KDF1: variants seen among roughly 807,000 people sequenced by gnomAD.
KDF1 encodes keratinocyte differentiation factor 1.
KDF1 carries 11 observed loss-of-function variants against 31.6 expected under a neutral mutation model. That is an observed-to-expected ratio of 0.35 (90% CI 0.22 to 0.58). The LOEUF is 0.58. Ranked by LOEUF, KDF1 falls within the 20% of genes least tolerant of loss-of-function variation. The probability of loss-of-function intolerance (pLI) is 0.83; values close to 1 mark genes in which losing one functional copy is unlikely to be tolerated. For synonymous variants in KDF1, 205 were observed against 214.4 expected (o/e 0.96, Z 0.38); for missense variants, 476 against 549.1 (o/e 0.87, Z 1.33).
chr1:26,949,960 G>A lies in KDF1; in HGVS notation c.*109C>T, dbSNP rs2082339182. The A allele has an allele frequency of 2.7e-6, 3 of 1,098,406 alleles. No homozygotes were observed. The highest frequency in any genetic ancestry group is 4.0e-6 in the Non-Finnish European group (3 of 747,652). 68.0% of individuals were successfully genotyped at this position (1,098,406 alleles called of 1,614,324 possible). ...CAGCCAAGGCAGGAGGAGCCAGAGT[G>A]GGCACTGCTTCAGGTCTAAGCCTCT... On this transcript the variant is annotated 3_prime_UTR_variant, in exon 4 of 4. Transcript: ENST00000320567.
At chr1:26,959,347 G>A (rs1314426039) in intron 1 of KDF1, among the ~76,000 whole-genome samples, 4 of 147,064 alleles carry the variant, frequency 2.7e-5, no homozygotes, top group African/African-American at 7.4e-5. Context: ...CCACCGCCCC[G>A]CCACCACCCC....
chr1:26,951,362 C>T lies in KDF1; in HGVS notation c.1019G>A (p.Gly340Asp), dbSNP rs759180556. 2 of 1,584,968 alleles carry T rather than the reference C, an allele frequency of 1.3e-6. No homozygotes were observed. The highest frequency in any genetic ancestry group is 1.7e-6 in the Non-Finnish European group (2 of 1,161,540). Residue 340 changes from glycine (G) to aspartate (D), a missense_variant, in exon 2 of 4, where the codon GGC becomes GAC. Transcript: ENST00000320567. This position sits in a 1 kb window ranked among gnomAD's most constrained non-coding sequence, Gnocchi z 5.4. ...APDSGHETMV[G>D]SGLSQDELTV... The stretch of plus-strand genomic sequence containing the variant: ...CCTACCATCCTGGCTGAGACCTGAG[C>T]CCACCATGGTCTCATGGCCACTGTC...
At position 26,951,778 on chromosome 1, in the gene KDF1, G is replaced by C. The variant is rs766306128; in HGVS notation, c.603C>G (p.Ser201Arg). ...PLADPPPMRH[S>R]LPSTFASSPR... is the part of the protein sequence containing the mutation. ...GACTACTGGCAAAGGTGCTGGGCAGGCTGTGTCGCATGGGTGGGGGATCGG... is the reference window on the plus strand; with the variant it reads ...GACTACTGGCAAAGGTGCTGGGCAGCCTGTGTCGCATGGGTGGGGGATCGG... The change falls in exon 2 of 4, where the codon AGC (serine) becomes AGG (arginine). Residue 201 changes from serine (S) to arginine (R), a missense_variant. By Grantham distance (110) the Ser-to-Arg change is moderately radical (BLOSUM62 -1). This residue lies in a region of KDF1 where 330 missense variants were observed against 332.3 expected (regional missense o/e 0.99). Coordinates refer to ENST00000320567, the MANE Select transcript of KDF1 (RefSeq NM_152365.3). This position sits in a 1 kb window ranked among gnomAD's most constrained non-coding sequence, Gnocchi z 5.4. 2.5e-6 allele frequency: 4 copies of C among 1,614,014 alleles called. No homozygotes were observed. Among genetic ancestry groups the C allele is most frequent in the African/African-American group, 2.7e-5 (2 of 74,936 alleles).
Position 26,951,971 on chromosome 1 carries a change from C to T in KDF1, c.410G>A (p.Ser137Asn). 1 of 1,609,138 alleles carries T rather than the reference C, an allele frequency of 6.2e-7. No individual in the cohort carries two copies. The highest frequency in any genetic ancestry group is 8.5e-7 in the Non-Finnish European group (1 of 1,176,674). ...CCGGCTGGGGGGTGCACGATCAGGGCTGGGGGGCACTCCATTGTGCTCCTT... is the reference window on the plus strand; with the variant it reads ...CCGGCTGGGGGGTGCACGATCAGGGTTGGGGGGCACTCCATTGTGCTCCTT... ...WAKEHNGVPPSPDRAPPSRRD... is the reference protein window; with the variant it reads ...WAKEHNGVPPNPDRAPPSRRD... The change falls in exon 2 of 4, where the codon AGC becomes AAC. Residue 137 changes from serine to asparagine, a missense_variant. By Grantham distance (46) the Ser-to-Asn change is conservative. Transcript: ENST00000320567. This position sits in a 1 kb window ranked among gnomAD's most constrained non-coding sequence, Gnocchi z 5.4.
chr1:26,950,070 T>C lies in KDF1; in HGVS notation c.1196A>G (p.Ter399=), dbSNP rs1381384771. The C allele has an allele frequency of 6.2e-6, 10 of 1,613,188 alleles. No homozygotes were observed. The highest frequency in any genetic ancestry group is 8.5e-6 in the Non-Finnish European group (10 of 1,179,386). The change falls in exon 4 of 4, where the codon TAA becomes TGA. Residue 399 remains the stop codon, a stop_retained_variant. Coordinates refer to ENST00000320567, the MANE Select transcript of KDF1 (RefSeq NM_152365.3). The surrounding 1 kb of genome is among the most constrained non-coding windows in gnomAD (Gnocchi z 4.0). ...SGAPLLQVYC[*] ...TGTGGCAGCTGGGCCTGGCAGGGGT[T>C]AGCAGTACACCTGGAGCAAGGGTGC...
chr1:26,960,253 G>A lies in KDF1; in HGVS notation c.-33+97C>T, dbSNP rs1397383153. 2.6e-5 allele frequency: 4 copies of A among 152,178 alleles called. No homozygotes were observed. The highest frequency in any genetic ancestry group is 5.9e-5 in the Non-Finnish European group (4 of 68,020). 9.4% of individuals were successfully genotyped at this position (152,178 alleles called of 1,614,324 possible). On this transcript the variant is annotated intron_variant, in intron 1 of 3. Transcript: ENST00000320567. The surrounding 1 kb of genome is among the most constrained non-coding windows in gnomAD (Gnocchi z 4.9). ...GTAGGAGGGTGGCCCCCGAGGAACC[G>A]GGCCCGGGACCCTCTCCTGTCCGGG...
Position 26,950,221 on chromosome 1 carries a change from G to T in KDF1, c.1115-70C>A. On this transcript the variant is annotated intron_variant, in intron 3 of 3. Coordinates refer to ENST00000320567, the MANE Select transcript of KDF1 (RefSeq NM_152365.3). The surrounding 1 kb of genome is among the most constrained non-coding windows in gnomAD (Gnocchi z 4.0). ...AGCTCATCCAGATCCCATGACCAGG[G>T]AGAAGCCTGCTGAGAAGGAGCAGAG... The T allele has an allele frequency of 7.0e-7, 1 of 1,419,240 alleles. No individual in the cohort carries two copies. The highest frequency in any genetic ancestry group is 1.0e-6 in the Non-Finnish European group (1 of 1,004,928). 87.9% of individuals were successfully genotyped at this position (1,419,240 alleles called of 1,614,324 possible). A position where few individuals can be genotyped will look rare whatever the true frequency, so the allele number is the denominator to read the frequency against.
Position 26,950,834 on chromosome 1 carries a change from G to T in KDF1, c.1040-78C>A. The T allele has an allele frequency of 7.7e-7, 1 of 1,293,224 alleles. No homozygotes were observed. The highest frequency in any genetic ancestry group is 1.1e-6 in the Non-Finnish European group (1 of 893,124). The allele number at this position is 1,293,224 out of a possible 1,614,324, so 80.1% of individuals were successfully genotyped here. On this transcript the variant is annotated intron_variant, in intron 2 of 3. Coordinates refer to ENST00000320567, the MANE Select transcript of KDF1 (RefSeq NM_152365.3). The surrounding 1 kb of genome is among the most constrained non-coding windows in gnomAD (Gnocchi z 4.0). ...TATTTCCTACTTCTGTTCCCAGCCC[G>T]ATGAGGGAGGAGCCACTCACTCCTG...
Position 26,951,664 on chromosome 1 carries a change from A to G in KDF1, c.717T>C (p.Ile239=), listed in dbSNP as rs2082349455. ...MGSGSMSSRE[I]DVLIFKKLTE... is the part of the protein sequence containing the mutation. ...TCAGCTTCTTGAAGATGAGCACATC[A>G]ATTTCTCGGCTCGACATGGAGCCAC... is the stretch of plus-strand genomic sequence containing the variant. The change falls in exon 2 of 4, where the codon ATT becomes ATC. Residue 239 remains isoleucine, a synonymous_variant. Coordinates refer to ENST00000320567, the MANE Select transcript of KDF1 (RefSeq NM_152365.3). The surrounding 1 kb of genome is among the most constrained non-coding windows in gnomAD (Gnocchi z 5.4). 1.2e-6 allele frequency: 2 copies of G among 1,613,886 alleles called. No homozygotes were observed. Among genetic ancestry groups the G allele is most frequent in the East Asian group, 2.2e-5 (1 of 44,878 alleles).
chr1:26,953,998 A>G (rs192436482), intron 1 of KDF1, among the ~76,000 whole-genome samples: 9 of 151,892 alleles, frequency 5.9e-5, no homozygotes, highest in Admixed American at 4.6e-4. Flanking sequence ...TTCCACTTAT[A>G]TGACATCTCT....
intron 1 of KDF1, among the ~76,000 whole-genome samples, chr1:26,957,958 G>A (rs2082384320): frequency 1.3e-5 from 2 of 151,556 alleles, no homozygotes; most frequent in South Asian, 4.2e-4. Context: ...GGAATTACAG[G>A]TGCATGCCAC....
chr1:26,956,955 C>A (rs1047471798), intron 1 of KDF1, among the ~76,000 whole-genome samples: 3 of 152,096 alleles, frequency 2.0e-5, no homozygotes, highest in Non-Finnish European at 2.9e-5. Flanking sequence ...GAGATAAGGT[C>A]TCCCTCTGTT....
chr1:26,956,904 G>A (rs1057509108), intron 1 of KDF1, among the ~76,000 whole-genome samples: 5 of 152,146 alleles, frequency 3.3e-5, no homozygotes, highest in African/African-American at 9.7e-5. Flanking sequence ...AAATGGGGAT[G>A]TGAAGGATAC....
chr1:26,949,984 C>A lies in KDF1; in HGVS notation c.*85G>T. ...TGGGCACTGCTTCAGGTCTAAGCCTCTCCCACAGGGGTTCCTGGTCCCCCT... is the reference window on the plus strand; with the variant it reads ...TGGGCACTGCTTCAGGTCTAAGCCTATCCCACAGGGGTTCCTGGTCCCCCT... On this transcript the variant is annotated 3_prime_UTR_variant, in exon 4 of 4. Coordinates refer to ENST00000320567, the MANE Select transcript of KDF1 (RefSeq NM_152365.3). The A allele has an allele frequency of 7.1e-7, 1 of 1,412,716 alleles. No individual in the cohort carries two copies. Among genetic ancestry groups the A allele is most frequent in the East Asian group, 2.3e-5 (1 of 42,962 alleles). 87.5% of individuals were successfully genotyped at this position (1,412,716 alleles called of 1,614,324 possible). A position where few individuals can be genotyped will look rare whatever the true frequency, so the allele number is the denominator to read the frequency against.
chr1:26,953,425 A>G lies in KDF1; in HGVS notation c.-32-1013T>C, dbSNP rs1396409560. Among the ~76,000 whole-genome samples the G allele has an allele frequency of 3.9e-5, 6 of 152,212 alleles. No individual in the cohort carries two copies. The East Asian group carries it at 1.2e-3, about 29-fold the overall frequency. ...AATTCCACTTCTGGGTACATACCCA[A>G]TCTAATTGAGAGCAGGGACTCAGAT... On this transcript the variant is annotated intron_variant, in intron 1 of 3. Transcript: ENST00000320567.
rs1320787941 is a variant in KDF1, at chr1:26,950,072, G to A, written c.1194C>T (p.Cys398=). ...TGGCAGCTGGGCCTGGCAGGGGTTA[G>A]CAGTACACCTGGAGCAAGGGTGCCC... ...SSGAPLLQVY[C] is the part of the protein sequence containing the mutation. Residue 398 remains cysteine (C), a synonymous_variant, in exon 4 of 4, where the codon TGC becomes TGT. Coordinates refer to ENST00000320567, the MANE Select transcript of KDF1 (RefSeq NM_152365.3). The surrounding 1 kb of genome is among the most constrained non-coding windows in gnomAD (Gnocchi z 4.0). 2 of 1,613,356 alleles carry A rather than the reference G, an allele frequency of 1.2e-6. No individual in the cohort carries two copies. The highest frequency in any genetic ancestry group is 3.3e-5 in the Admixed American group (2 of 59,994).
At chr1:26,954,558 C>T (rs191247371) in intron 1 of KDF1, among the ~76,000 whole-genome samples, 4 of 151,282 alleles carry the variant, frequency 2.6e-5, no homozygotes, top group Non-Finnish European at 4.4e-5. Context: ...TTAGGCCAGG[C>T]GCAGTGGCTA....
In KDF1 at chr1:26,950,952, G is replaced by C. The variant is rs1301475342; in HGVS notation, c.1040-196C>G. Among the ~76,000 whole-genome samples, 19 of 152,192 alleles carry C rather than the reference G, an allele frequency of 1.2e-4. No individual in the cohort carries two copies. Among genetic ancestry groups the C allele is most frequent in the Admixed American group, 1.2e-3 (19 of 15,274 alleles). The stretch of plus-strand genomic sequence containing the variant: ...ATGAGTGGGAGTTTTGGTTAGCCCA[G>C]AACAGGTCAGAGGCCCAAATTCATG... On this transcript the variant is annotated intron_variant, in intron 2 of 3. Coordinates refer to ENST00000320567, the MANE Select transcript of KDF1 (RefSeq NM_152365.3). The surrounding 1 kb of genome is among the most constrained non-coding windows in gnomAD (Gnocchi z 4.0).
rs2082343220 is a variant in KDF1, at chr1:26,950,562, G to A, written c.1114+120C>T. On this transcript the variant is annotated intron_variant, in intron 3 of 3. Transcript: ENST00000320567. The surrounding 1 kb of genome is among the most constrained non-coding windows in gnomAD (Gnocchi z 4.0). Reference sequence around the variant, plus strand: ...TGGAGACAGGTCTGTGGCTGCTTAGGTCCCCGTCCCTTTTTGATGTCATCC... The same window carrying A: ...TGGAGACAGGTCTGTGGCTGCTTAGATCCCCGTCCCTTTTTGATGTCATCC... 1.2e-6 allele frequency: 1 copy of A among 832,652 alleles called. No individual in the cohort carries two copies. Among genetic ancestry groups the A allele is most frequent in the Non-Finnish European group, 2.0e-6 (1 of 500,350 alleles). The allele number at this position is 832,652 out of a possible 1,614,324, so 51.6% of individuals were successfully genotyped here. A position where few individuals can be genotyped will look rare whatever the true frequency, so the allele number is the denominator to read the frequency against.
Sources: gnomAD v4.1 joint callset for allele counts (sites outside exome capture counted in the v4.1 genomes callset) on GRCh38, gnomAD v4.1.1 for gene constraint, gnomAD v4.1.1 regional missense constraint, Gnocchi (gnomAD v3.1) non-coding constraint, MANE v1.5 for transcripts, NCBI Gene and HGNC (gene_info 2026-07-23, HGNC 2026-07-21) for gene names.